The following TMEM181 variants were observed in gnomAD, a reference collection of about 807,000 sequenced individuals.
TMEM181 encodes transmembrane protein 181.
Under a neutral mutation model 71.9 loss-of-function variants are expected in TMEM181, and 39 were observed. That is an observed-to-expected ratio of 0.54 (90% CI 0.42 to 0.71). The LOEUF is 0.71. TMEM181 is among the 30% of genes least tolerant of loss of function. TMEM181 has a pLI of 0.00. For missense variants in TMEM181, 595 were observed against 583.0 expected (o/e 1.02, Z -0.21); for synonymous variants, 245 against 228.8 (o/e 1.07, Z -0.64).
intron 10 of TMEM181, among the ~76,000 whole-genome samples, chr6:158,618,133 A>G (rs559143662): frequency 6.6e-6 from 1 of 151,148 alleles, no homozygotes; most frequent in Non-Finnish European, 1.5e-5. Context: ...GTAGGTCTCT[A>G]AGGACTTGCT....
At chr6:158,582,658 C>G (rs190096787) in intron 3 of TMEM181, among the ~76,000 whole-genome samples, 493 of 151,414 alleles carry the variant, frequency 3.3e-3, no homozygotes, top group African/African-American at 0.011. Context: ...AGAGCACGAC[C>G]CTGTCTTAAA....
chr6:158,586,589 T>C (rs1481366171), intron 5 of TMEM181, among the ~76,000 whole-genome samples: 1 of 152,232 alleles, frequency 6.6e-6, no homozygotes, highest in Non-Finnish European at 1.5e-5. Context: ...GCTTGTGGCC[T>C]TAACCACCAT....
intron 1 of TMEM181, among the ~76,000 whole-genome samples, chr6:158,568,384 G>A (rs182592492): frequency 9.9e-5 from 15 of 152,248 alleles, no homozygotes; most frequent in African/African-American, 2.6e-4. Context: ...CAGGAAGGAC[G>A]GAGAGAGAAG....
intron 10 of TMEM181, among the ~76,000 whole-genome samples, chr6:158,614,657 C>T (rs1411005700): frequency 2.6e-5 from 4 of 152,078 alleles, no homozygotes; most frequent in African/African-American, 9.7e-5. Flanking sequence ...CTACGACAGG[C>T]CCTGTTGTGT....
chr6:158,630,710 C>A (rs975789941), intron 15 of TMEM181, among the ~76,000 whole-genome samples: 1 of 128,262 alleles, frequency 7.8e-6, no homozygotes. Flanking sequence ...AGTGTTGTTA[C>A]CATTAAAAAA....
At chr6:158,564,819 ATTATTT>A (rs1782393317) in intron 1 of TMEM181, among the ~76,000 whole-genome samples, 2 of 152,258 alleles carry the variant, frequency 1.3e-5, no homozygotes, top group South Asian at 2.1e-4. Flanking sequence ...AGGAGAAGAG[ATTATTT>A]TTATACAGAT....
intron 10 of TMEM181, among the ~76,000 whole-genome samples, chr6:158,622,271 C>A (rs1786007499): frequency 6.6e-6 from 1 of 152,074 alleles, no homozygotes; most frequent in South Asian, 2.1e-4. Flanking sequence ...GTGACGTGCT[C>A]TCTCTTTTTC....
intron 1 of TMEM181, among the ~76,000 whole-genome samples, chr6:158,566,839 C>A (rs112012612): frequency 0.018 from 2,755 of 152,140 alleles, 94 homozygotes; most frequent in African/African-American, 0.062. Flanking sequence ...ACTCCACAAA[C>A]CTCACCTTGC....
chr6:158,568,028 G>T (rs1204128345), intron 1 of TMEM181, among the ~76,000 whole-genome samples: 1 of 152,100 alleles, frequency 6.6e-6, no homozygotes, highest in Non-Finnish European at 1.5e-5. Context: ...TGGAGGTGAT[G>T]GCAGCAGCTG....
intron 10 of TMEM181, among the ~76,000 whole-genome samples, chr6:158,622,592 G>A (rs1389516387): frequency 6.6e-6 from 1 of 152,194 alleles, no homozygotes; most frequent in Non-Finnish European, 1.5e-5. Context: ...AAAACTTAGG[G>A]AATGCTTTTT....
chr6:158,560,859 G>C (rs1465641232), intron 1 of TMEM181, among the ~76,000 whole-genome samples: 1 of 151,650 alleles, frequency 6.6e-6, no homozygotes, highest in Non-Finnish European at 1.5e-5. Flanking sequence ...GGTTTTTAAT[G>C]AGGAAAAACC....
intron 10 of TMEM181, among the ~76,000 whole-genome samples, chr6:158,622,938 C>G (rs1786048318): frequency 6.6e-6 from 1 of 152,170 alleles, no homozygotes; most frequent in African/African-American, 2.4e-5. Flanking sequence ...TTTATGAGTG[C>G]TTTTGTCCTG....
intron 1 of TMEM181, among the ~76,000 whole-genome samples, chr6:158,573,166 G>A (rs574129383): frequency 4.6e-5 from 7 of 152,296 alleles, no homozygotes; most frequent in African/African-American, 1.4e-4. Context: ...GGTGTGCTGC[G>A]TGCAGACCGC....
intron 1 of TMEM181, among the ~76,000 whole-genome samples, chr6:158,539,905 T>C (rs1781275729): frequency 6.6e-6 from 1 of 152,200 alleles, no homozygotes; most frequent in African/African-American, 2.4e-5. Flanking sequence ...AGAAACCCTC[T>C]TCACACGGAT....
At position 158,580,953 on chromosome 6, in the gene TMEM181, C is replaced by T. The variant is rs1016590342; in HGVS notation, c.126C>T (p.Ile42=). 5.6e-6 allele frequency: 9 copies of T among 1,608,630 alleles called. No individual in the cohort carries two copies. In the African/African-American group the frequency reaches 1.2e-4, roughly 21 times the overall value. ...IFVGIRGPKV[I]QTSAANFSLN... is the part of the protein sequence containing the mutation. ...GTTACACTTTAGGACCTAAAGTGAT[C>T]CAGACTTCTGCGGCTAATTTTTCAC... The change falls in exon 3 of 17, where the codon ATC becomes ATT. Residue 42 remains isoleucine (I), a synonymous_variant. Coordinates refer to ENST00000684151, the MANE Select transcript of TMEM181 (RefSeq NM_001376852.1).
At position 158,562,575 on chromosome 6, in the gene TMEM181, C is replaced by T. The variant is rs954781696; in HGVS notation, c.8+2343C>T. Among the ~76,000 whole-genome samples the T allele has an allele frequency of 4.6e-5, 7 of 152,018 alleles. No individual in the cohort carries two copies. The South Asian group carries it at 8.3e-4, about 18-fold the overall frequency. On this transcript the variant is annotated intron_variant, in intron 1 of 16. Transcript: ENST00000684151. ...GAAGTGTATTAATTAGAACCACCTT[C>T]GGCTAGCAGCAAAGCATGGCACAGA...
chr6:158,592,630 A>G (rs1049683106), intron 6 of TMEM181, among the ~76,000 whole-genome samples: 1 of 152,152 alleles, frequency 6.6e-6, no homozygotes, highest in Non-Finnish European at 1.5e-5. Flanking sequence ...TAATAGCTGT[A>G]GTAGTTCACC....
intron 8 of TMEM181, among the ~76,000 whole-genome samples, chr6:158,607,682 A>C (rs2028441): frequency 6.6e-6 from 1 of 151,864 alleles, no homozygotes; most frequent in South Asian, 2.1e-4. Context: ...AAAACAAAAC[A>C]AAACTAAAGC....
At chr6:158,606,077 A>C (rs1166574556) in intron 7 of TMEM181, among the ~76,000 whole-genome samples, 2 of 152,190 alleles carry the variant, frequency 1.3e-5, no homozygotes, top group Admixed American at 6.5e-5. Context: ...TGTGCATGGA[A>C]GGACACAGGC....
Sources: allele counts gnomAD v4.1 joint callset (sites outside exome capture counted in the v4.1 genomes callset), GRCh38; gene constraint gnomAD v4.1.1; transcripts MANE v1.5; gene names NCBI Gene and HGNC (gene_info 2026-07-23, HGNC 2026-07-21).